MT1H: variants seen among roughly 807,000 people sequenced by gnomAD.
The protein encoded by MT1H is metallothionein 1H.
In MT1H, 8 loss-of-function variants were observed where a neutral mutation model predicts 8.7. The ratio of observed to expected loss-of-function variants is 0.92; its 90% CI spans 0.54 to 1.66. MT1H has a LOEUF of 1.66. Ranked by LOEUF, MT1H falls within the 40% of genes most tolerant of loss-of-function variation. The pLI is 0.00. For synonymous variants in MT1H, 32 were observed against 28.9 expected (o/e 1.11, Z -0.34); for missense variants, 84 against 75.2 (o/e 1.12, Z -0.43).
At chr16:56,670,404 G>A (rs1960855426) in intron 1 of MT1H, 102 bp from the exon 2 acceptor site, 14 of 1,548,158 alleles carry the variant, frequency 9.0e-6, no homozygotes, top group South Asian at 6.9e-5. Flanking sequence ...GAGCTCTGAC[G>A]GCTGGCCCTG....
Position 56,670,984 on chromosome 16 carries a change from G to T in MT1H, c.181G>T (p.Ala61Ser). 6.2e-7 allele frequency: 1 copy of T among 1,614,212 alleles called. No individual in the cohort carries two copies. Among genetic ancestry groups the T allele is most frequent in the Non-Finnish European group, 8.5e-7 (1 of 1,180,024 alleles). ...KGASEKCSCC[A>S] is the part of the protein sequence containing the mutation. ...GGCGTCAGAGAAGTGCAGCTGCTGT[G>T]CCTGATGTCGGGACAGCCCTGCTGT... The change falls in exon 3 of 3, where the codon GCC (alanine) becomes TCC (serine). Residue 61 changes from alanine (A) to serine (S), a missense_variant. Coordinates refer to ENST00000332374, the MANE Select transcript of MT1H (RefSeq NM_005951.2).
At position 56,671,046 on chromosome 16, in the gene MT1H, T is replaced by C; in HGVS notation, c.*57T>C. ...AGAATGACACGTAAAATCCAGGATT[T>C]TTTTTTTCTACAACTCCGACTCATT... On this transcript the variant is annotated 3_prime_UTR_variant, in exon 3 of 3. Transcript: ENST00000332374. 6.3e-7 allele frequency: 1 copy of C among 1,578,314 alleles called. No homozygotes were observed. Among genetic ancestry groups the C allele is most frequent in the Non-Finnish European group, 8.6e-7 (1 of 1,166,438 alleles).
rs1247621482 is a variant in MT1H, at chr16:56,670,668, G to A, written c.94+97G>A. The A allele has an allele frequency of 5.6e-6, 9 of 1,603,702 alleles. No individual in the cohort carries two copies. The African/African-American group carries it at 8.0e-5, about 14-fold the overall frequency. On this transcript the variant is annotated intron_variant, in intron 2 of 2. Transcript: ENST00000332374. Reference sequence around the variant, plus strand: ...AGTGCCTGCTTCCTTTGTCCCCCTAGGCCGTCACTGCCTTTCCAGTCTTCT... The same window carrying A: ...AGTGCCTGCTTCCTTTGTCCCCCTAAGCCGTCACTGCCTTTCCAGTCTTCT...
chr16:56,670,656 T>C (rs1223090671), intron 2 of MT1H, 85 bp downstream of exon 2: 1 of 1,607,138 alleles, frequency 6.2e-7, no homozygotes, highest in Non-Finnish European at 8.5e-7. Context: ...GCCTGCTTCC[T>C]TTGTCCCCCT....
intron 2 of MT1H, 40 bp downstream of exon 2, chr16:56,670,611 T>C (rs1179758211): frequency 6.2e-7 from 1 of 1,614,184 alleles, no homozygotes. Context: ...GGGCTGTGGC[T>C]AAGGTTGGGA....
Position 56,671,013 on chromosome 16 carries a change from A to C in MT1H, c.*24A>C. 1.2e-6 allele frequency: 2 copies of C among 1,605,670 alleles called. No individual in the cohort carries two copies. The highest frequency in any genetic ancestry group is 1.7e-6 in the Non-Finnish European group (2 of 1,177,794). ...GATGTCGGGACAGCCCTGCTGTCAG[A>C]TGAAAACAGAATGACACGTAAAATC... On this transcript the variant is annotated 3_prime_UTR_variant, in exon 3 of 3. Transcript: ENST00000332374.
chr16:56,670,018 G>A (rs1159120646), intron 1 of MT1H, 106 bp downstream of exon 1: 8 of 1,486,084 alleles, frequency 5.4e-6, no homozygotes, highest in South Asian at 3.5e-5. Flanking sequence ...AGCTGAAGAG[G>A]ACTTCTTTAC....
intron 2 of MT1H, 100 bp downstream of exon 2, chr16:56,670,671 C>T (rs949676316): frequency 3.7e-6 from 6 of 1,600,582 alleles, no homozygotes; most frequent in East Asian, 4.5e-5. Flanking sequence ...CCCCCTAGGC[C>T]GTCACTGCCT....
chr16:56,669,869 C>G lies in MT1H; in HGVS notation c.-16C>G, dbSNP rs201957236. ...TCTCTTCTCGCTTGGGAACTCCAGT[C>G]TCACCTCGGCTTGCAATGGACCCCA... On this transcript the variant is annotated 5_prime_UTR_variant, in exon 1 of 3. Coordinates refer to ENST00000332374, the MANE Select transcript of MT1H (RefSeq NM_005951.2). The G allele has an allele frequency of 7.9e-5, 128 of 1,614,066 alleles. No individual in the cohort carries two copies. The highest frequency in any genetic ancestry group is 1.1e-4 in the Non-Finnish European group (125 of 1,180,028).
intron 1 of MT1H, among the ~76,000 whole-genome samples, chr16:56,670,264 G>A (rs111468767): frequency 0.022 from 3,410 of 152,292 alleles, 116 homozygotes; most frequent in African/African-American, 0.077. Flanking sequence ...ACAGAAAGTC[G>A]AAGTCGCAGT....
At chr16:56,670,597 T>C (rs1960858349) in intron 2 of MT1H, 26 bp downstream of exon 2, 6 of 1,614,226 alleles carry the variant, frequency 3.7e-6, no homozygotes, top group South Asian at 3.3e-5. Flanking sequence ...TCTCCAGGAA[T>C]CTGGGGCTGT....
At chr16:56,670,086 C>CCT (rs1227260536) in intron 1 of MT1H, among the ~76,000 whole-genome samples, 174 bp downstream of exon 1, 3 of 152,214 alleles carry the variant, frequency 2.0e-5, no homozygotes, top group Non-Finnish European at 2.9e-5. Context: ...CTTCCCTGTG[C>CCT]CTCTATGTCA....
At chr16:56,670,837 T>G in intron 2 of MT1H, 61 bp from the exon 3 acceptor site, 2 of 1,604,888 alleles carry the variant, frequency 1.2e-6, no homozygotes, top group South Asian at 2.2e-5. Context: ...CCAGGCCTGC[T>G]GTTGGGAGAG....
chr16:56,670,722 G>T (rs1342604343), intron 2 of MT1H, 151 bp downstream of exon 2: 2 of 1,520,894 alleles, frequency 1.3e-6, no homozygotes, highest in African/African-American at 1.4e-5. Context: ...GTGGGGCTGG[G>T]CAGTCTCTCA....
intron 1 of MT1H, 94 bp downstream of exon 1, chr16:56,670,006 T>C (rs566188853): frequency 6.5e-7 from 1 of 1,550,348 alleles, no homozygotes; most frequent in African/African-American, 1.4e-5. Flanking sequence ...TTTTGCGATC[T>C]GAGCTGAAGA....
chr16:56,670,438 C>T (rs1960855680), intron 1 of MT1H, 68 bp from the exon 2 acceptor site: 1 of 1,607,918 alleles, frequency 6.2e-7, no homozygotes, highest in Non-Finnish European at 8.5e-7. Flanking sequence ...GAAGTGGACA[C>T]TCATTGACCC....
intron 2 of MT1H, 90 bp downstream of exon 2, chr16:56,670,661 C>T (rs77586255): frequency 0.03 from 48,029 of 1,606,594 alleles, 907 homozygotes; most frequent in Admixed American, 0.064. Flanking sequence ...CTTCCTTTGT[C>T]CCCCTAGGCC....
intron 2 of MT1H, 115 bp from the exon 3 acceptor site, chr16:56,670,783 C>T (rs768507659): frequency 6.5e-7 from 1 of 1,542,912 alleles, no homozygotes; most frequent in East Asian, 2.3e-5. Context: ...AAAGCTGTGC[C>T]ATCCTGAACT....
intron 1 of MT1H, among the ~76,000 whole-genome samples, chr16:56,670,246 G>T (rs1389796128): frequency 6.6e-6 from 1 of 152,228 alleles, no homozygotes; most frequent in Non-Finnish European, 1.5e-5. Flanking sequence ...GCCTCTTCAG[G>T]GTTCAGCACA....
Sources: allele counts gnomAD v4.1 joint callset (sites outside exome capture counted in the v4.1 genomes callset), GRCh38; gene constraint gnomAD v4.1.1; transcripts MANE v1.5; gene names NCBI Gene and HGNC (gene_info 2026-07-23, HGNC 2026-07-21).